Variants in JDP2 observed in about 807,000 individuals in gnomAD.
JDP2 encodes the protein Jun dimerization protein 2.
In JDP2, 9 loss-of-function variants were observed where a neutral mutation model predicts 17.1. The ratio of observed to expected loss-of-function variants is 0.53; its 90% confidence interval spans 0.32 to 0.92. The LOEUF (loss-of-function observed/expected upper bound fraction) is 0.92, where lower values mean the gene tolerates loss of function less well. Ranked by LOEUF, JDP2 falls within the 40% of genes least tolerant of loss-of-function variation. The probability of loss-of-function intolerance (pLI) is 0.04; values close to 1 mark genes in which losing one functional copy is unlikely to be tolerated. For missense variants in JDP2, 179 were observed against 220.0 expected, an observed-to-expected ratio of 0.81 and a Z score of 1.18; for synonymous variants, 107 against 95.6, an observed-to-expected ratio of 1.12 and a Z score of -0.69.
At chr14:75,432,878 CTG>C (rs750019328) in intron 1 of JDP2, among the ~76,000 whole-genome samples, 335 of 152,216 alleles carry the variant, frequency 2.2e-3, no homozygotes, top group Non-Finnish European at 1.9e-3. Context: ...TAAAACAAGA[CTG>C]TTATCATTTA....
At chr14:75,454,607 C>T (rs773775946) in intron 2 of JDP2, among the ~76,000 whole-genome samples, 20 of 152,116 alleles carry the variant, frequency 1.3e-4, no homozygotes, top group Admixed American at 2.6e-4. Flanking sequence ...AAACTGACAA[C>T]GGGCAGGCAA....
intron 2 of JDP2, among the ~76,000 whole-genome samples, chr14:75,455,693 A>G (rs1886069846): frequency 6.6e-6 from 1 of 152,098 alleles, no homozygotes; most frequent in South Asian, 2.1e-4. Flanking sequence ...TGGCTAAGTG[A>G]CAGCTCTCCC....
chr14:75,445,170 C>T (rs938072976), intron 2 of JDP2: 1 of 985,104 alleles, frequency 1.0e-6, no homozygotes, highest in Admixed American at 6.2e-5. Flanking sequence ...AACTATGAAG[C>T]CATTTAAGTC....
At chr14:75,433,090 GA>G (rs1437467520) in intron 1 of JDP2, among the ~76,000 whole-genome samples, 2 of 144,340 alleles carry the variant, frequency 1.4e-5, no homozygotes, top group East Asian at 4.4e-4. Flanking sequence ...AGCTACTCAA[GA>G]AGCTGAGGCA....
chr14:75,445,405 A>G (rs1206137870), intron 2 of JDP2: 1 of 985,270 alleles, frequency 1.0e-6, no homozygotes, highest in Non-Finnish European at 1.2e-6. Flanking sequence ...ATCCCCTTTT[A>G]CTGAGCGTAG....
chr14:75,469,637 A>G lies in JDP2; in HGVS notation c.*162A>G. 1 of 642,814 alleles carries G rather than the reference A, an allele frequency of 1.6e-6. No individual in the cohort carries two copies. Among genetic ancestry groups the G allele is most frequent in the Non-Finnish European group, 2.6e-6 (1 of 379,536 alleles). The allele number at this position is 642,814 out of a possible 1,614,324, so 39.8% of individuals were successfully genotyped here. A position where few individuals can be genotyped will look rare whatever the true frequency, so the allele number is the denominator to read the frequency against. ...AGCCGAGCTTTTTTGTGAAACTCAGATCAGCCACCCAGGAGGAAGAGCGGG... is the reference window on the plus strand; with the variant it reads ...AGCCGAGCTTTTTTGTGAAACTCAGGTCAGCCACCCAGGAGGAAGAGCGGG... On this transcript the variant is annotated 3_prime_UTR_variant, in exon 4 of 4. Transcript: ENST00000651602.
In JDP2 at chr14:75,451,884, A is replaced by G. The variant is rs192999734; in HGVS notation, c.202-9542A>G. Among the ~76,000 whole-genome samples, 19 of 152,340 alleles carry G rather than the reference A, an allele frequency of 1.2e-4. No homozygotes were observed. In the East Asian group the frequency reaches 3.7e-3, roughly 29 times the overall value. The stretch of plus-strand genomic sequence containing the variant: ...AGGGATTAGCCTTGGTGCTTCCAAG[A>G]GCCCCTGGCACTAAGCGTCTGTAAA... On this transcript the variant is annotated intron_variant, in intron 2 of 3. Coordinates refer to ENST00000651602, the MANE Select transcript of JDP2 (RefSeq NM_001135048.2).
At chr14:75,465,302 A>G (rs142381260) in intron 3 of JDP2, among the ~76,000 whole-genome samples, 2 of 12 alleles carry the variant, frequency 0.17, no homozygotes, top group Non-Finnish European at 0.5. Context: ...ATAGCTTTTT[A>G]AAAAATATAG....
At chr14:75,457,992 G>C (rs1050134832) in intron 2 of JDP2, among the ~76,000 whole-genome samples, 1 of 152,206 alleles carries the variant, frequency 6.6e-6, no homozygotes, top group Non-Finnish European at 1.5e-5. Context: ...ATTCATCTGA[G>C]TGACATTTGT....
At chr14:75,450,481 G>A (rs1330293540) in intron 2 of JDP2, among the ~76,000 whole-genome samples, 1 of 152,180 alleles carries the variant, frequency 6.6e-6, no homozygotes. Flanking sequence ...TTATCCACCC[G>A]TGCCCCCAGC....
chr14:75,470,721 TAA>T lies in JDP2; in HGVS notation c.*1247_*1248del, dbSNP rs762265962. The stretch of plus-strand genomic sequence containing the variant: ...AATTCACTGGAGGATGAAACAGACC[TAA>T]GTCTTGCCCTTGTGGGGCCTCCAGT... On this transcript the variant is annotated 3_prime_UTR_variant, in exon 4 of 4. Transcript: ENST00000651602. 2.6e-5 allele frequency: 4 copies of T among 152,264 alleles called. No homozygotes were observed. The highest frequency in any genetic ancestry group is 6.5e-5 in the Admixed American group (1 of 15,282). 9.4% of individuals were successfully genotyped at this position (152,264 alleles called of 1,614,324 possible). A position where few individuals can be genotyped will look rare whatever the true frequency, so the allele number is the denominator to read the frequency against.
At chr14:75,462,736 TG>T (rs1886395975) in intron 3 of JDP2, among the ~76,000 whole-genome samples, 1 of 152,172 alleles carries the variant, frequency 6.6e-6, no homozygotes, top group Admixed American at 6.5e-5. Context: ...CTGGTGTTTT[TG>T]GACTCTGGAG....
At chr14:75,446,099 A>G (rs1047607649) in intron 2 of JDP2, among the ~76,000 whole-genome samples, 2 of 152,252 alleles carry the variant, frequency 1.3e-5, no homozygotes, top group African/African-American at 4.8e-5. Context: ...AAAAACCACA[A>G]TGAGATACTA....
chr14:75,462,170 A>C (rs79269591), intron 3 of JDP2, among the ~76,000 whole-genome samples: 1,604 of 152,212 alleles, frequency 0.011, 22 homozygotes, highest in East Asian at 0.04. Context: ...GCCAAGCAGG[A>C]TGTTTGTTCT....
rs186781193 is a variant in JDP2 at position 75,433,257 on chromosome 14, C to T, written c.-23-4641C>T. Among the ~76,000 whole-genome samples, 25 of 125,666 alleles carry T rather than the reference C, an allele frequency of 2.0e-4. No homozygotes were observed. The East Asian group carries it at 5.3e-3, about 26-fold the overall frequency. The allele number at this position is 125,666 out of a possible 152,430, so 82.4% of individuals were successfully genotyped here. On this transcript the variant is annotated intron_variant, in intron 1 of 3. Transcript: ENST00000651602. ...GGTTAGGTTGGTGCAAAAGTAATCG[C>T]GGGTTTTGCCATTATGCTCAATGGC...
intron 3 of JDP2, among the ~76,000 whole-genome samples, chr14:75,466,024 C>A (rs1354052880): frequency 6.6e-6 from 1 of 151,752 alleles, no homozygotes; most frequent in Non-Finnish European, 1.5e-5. Flanking sequence ...CAAACCACTT[C>A]TACAATCATG....
chr14:75,429,570 A>G (rs965576942), intron 1 of JDP2, among the ~76,000 whole-genome samples: 2 of 151,942 alleles, frequency 1.3e-5, no homozygotes, highest in African/African-American at 2.4e-5. Flanking sequence ...AACACTTCCC[A>G]TTGCTTTTAC....
At chr14:75,433,135 C>T (rs1452139668) in intron 1 of JDP2, among the ~76,000 whole-genome samples, 3 of 115,382 alleles carry the variant, frequency 2.6e-5, no homozygotes, top group Non-Finnish European at 4.9e-5. Flanking sequence ...GCGGAGGTTG[C>T]GGTGAGCTGA....
chr14:75,446,280 T>C (rs1885596978), intron 2 of JDP2, among the ~76,000 whole-genome samples: 1 of 152,208 alleles, frequency 6.6e-6, no homozygotes, highest in Admixed American at 6.5e-5. Context: ...TCCCATGCGA[T>C]CCAGCCATTT....
Sources: allele counts gnomAD v4.1 joint callset (sites outside exome capture counted in the v4.1 genomes callset), GRCh38; gene constraint gnomAD v4.1.1; transcripts MANE v1.5; gene names NCBI Gene and HGNC (gene_info 2026-07-23, HGNC 2026-07-21).